Variants in AOAH observed in about 807,000 individuals in gnomAD.
AOAH encodes acyloxyacyl hydrolase.
Under a neutral mutation model 92.2 loss-of-function variants are expected in AOAH, and 64 were observed. The ratio of observed to expected loss-of-function variants is 0.69; its 90% CI spans 0.57 to 0.86. AOAH has a LOEUF of 0.86. Ranked by LOEUF, AOAH falls within the 40% of genes least tolerant of loss-of-function variation. The pLI, the probability that AOAH is intolerant of heterozygous loss-of-function variation, is 0.00. For missense variants in AOAH, 656 were observed against 694.6 expected, an observed-to-expected ratio of 0.94 and a Z score of 0.62; for synonymous variants, 263 against 254.5, an observed-to-expected ratio of 1.03 and a Z score of -0.32.
At chr7:36,531,269 C>CT (rs1784673936) in intron 18 of AOAH, among the ~76,000 whole-genome samples, 2 of 152,106 alleles carry the variant, frequency 1.3e-5, no homozygotes, top group Non-Finnish European at 2.9e-5. Flanking sequence ...GTTCTTTATG[C>CT]TTTTTTGTGT....
intron 2 of AOAH, among the ~76,000 whole-genome samples, chr7:36,680,387 G>GT (rs1048646974): frequency 3.9e-5 from 6 of 152,152 alleles, no homozygotes; most frequent in African/African-American, 1.4e-4. Flanking sequence ...CTAAAACTTT[G>GT]TTTTTTGTAC....
Position 36,532,283 on chromosome 7 carries a change from C to T in AOAH, c.1365+3G>A, listed in dbSNP as rs1023028370. The stretch of plus-strand genomic sequence containing the variant: ...GCCTTGAAGCAAGCCAGTGAGTGCT[C>T]ACCTGGAGGCAGTTCAGGAAGGAGT... On this transcript the variant is annotated splice_donor_region_variant and intron_variant, in intron 17 of 20. Coordinates refer to ENST00000617537, the MANE Select transcript of AOAH (RefSeq NM_001637.4). 6.2e-7 allele frequency: 1 copy of T among 1,614,128 alleles called. No individual in the cohort carries two copies. The highest frequency in any genetic ancestry group is 8.5e-7 in the Non-Finnish European group (1 of 1,179,980).
intron 1 of AOAH, among the ~76,000 whole-genome samples, chr7:36,713,237 T>C (rs1798892788): frequency 6.6e-6 from 1 of 152,168 alleles, no homozygotes; most frequent in African/African-American, 2.4e-5. Flanking sequence ...AAGAAGGCCA[T>C]TACTTAATGG....
chr7:36,522,047 G>A lies in AOAH; in HGVS notation c.1591C>T (p.Pro531Ser), dbSNP rs1176869562. ...QLIEPVDGFH[P>S]NEVALLLLAD... ...CATGTGACTGTGCTTACCTCGTTGG[G>A]GTGGAATCCATCCACGGGCTCGATG... The change falls in exon 20 of 21, where the codon CCC becomes TCC. Residue 531 changes from proline (P) to serine (S), a missense_variant. Transcript: ENST00000617537. 1 of 1,613,960 alleles carries A rather than the reference G, an allele frequency of 6.2e-7. No homozygotes were observed. The highest frequency in any genetic ancestry group is 1.1e-5 in the South Asian group (1 of 91,078).
chr7:36,582,850 C>CT (rs35810774), intron 12 of AOAH, among the ~76,000 whole-genome samples: 64,140 of 146,538 alleles, frequency 0.44, 13,996 homozygotes, highest in Admixed American at 0.52. Flanking sequence ...TAGTCAGTGT[C>CT]TTTTTTTTTT....
At chr7:36,631,218 G>A (rs1276165578) in intron 6 of AOAH, among the ~76,000 whole-genome samples, 1 of 151,994 alleles carries the variant, frequency 6.6e-6, no homozygotes, top group African/African-American at 2.4e-5. Flanking sequence ...GTGGTGGTGT[G>A]CGCCTGTAAT....
At chr7:36,658,587 A>G (rs1795022497) in intron 4 of AOAH, among the ~76,000 whole-genome samples, 1 of 152,234 alleles carries the variant, frequency 6.6e-6, no homozygotes, top group Admixed American at 6.5e-5. Context: ...TAATGTTATC[A>G]ATAATGATCA....
intron 20 of AOAH, among the ~76,000 whole-genome samples, chr7:36,521,089 G>A (rs915058242): frequency 3.3e-5 from 5 of 152,010 alleles, no homozygotes; most frequent in Admixed American, 1.3e-4. Context: ...TGTGTTTACC[G>A]TCATTCAGGC....
intron 4 of AOAH, among the ~76,000 whole-genome samples, chr7:36,643,101 A>T (rs1475307042): frequency 6.6e-6 from 1 of 152,226 alleles, no homozygotes; most frequent in Non-Finnish European, 1.5e-5. Flanking sequence ...TGGAAAGAGT[A>T]TAATAATTGC....
intron 11 of AOAH, among the ~76,000 whole-genome samples, chr7:36,611,716 T>C (rs1325845526): frequency 1.3e-4 from 20 of 152,158 alleles, no homozygotes; most frequent in Non-Finnish European, 2.9e-5. Flanking sequence ...GTACAAGGAT[T>C]TCAGGCAACC....
At chr7:36,559,437 AT>A (rs1787096475) in intron 13 of AOAH, among the ~76,000 whole-genome samples, 1 of 152,138 alleles carries the variant, frequency 6.6e-6, no homozygotes, top group Admixed American at 6.5e-5. Context: ...AATAATAGCC[AT>A]TCTGACTGGT....
At chr7:36,580,222 A>C in intron 12 of AOAH, among the ~76,000 whole-genome samples, 1 of 152,150 alleles carries the variant, frequency 6.6e-6, no homozygotes, top group Non-Finnish European at 1.5e-5. Flanking sequence ...CTATTGGGTC[A>C]TCTGAACCGG....
At chr7:36,579,417 G>A (rs1312075308) in intron 12 of AOAH, among the ~76,000 whole-genome samples, 1 of 151,330 alleles carries the variant, frequency 6.6e-6, no homozygotes, top group Admixed American at 6.6e-5. Flanking sequence ...ATTGTTTTAA[G>A]CCATGAAAGT....
At chr7:36,690,310 A>C (rs760634359) in intron 1 of AOAH, 1 of 358,028 alleles carries the variant, frequency 2.8e-6, no homozygotes, top group Non-Finnish European at 5.5e-6. Flanking sequence ...AGGACCCTGC[A>C]GGAAAGGCCA....
intron 18 of AOAH, among the ~76,000 whole-genome samples, chr7:36,530,956 A>G (rs1784655088): frequency 6.6e-6 from 1 of 151,814 alleles, no homozygotes; most frequent in South Asian, 2.1e-4. Flanking sequence ...ACAGAGACTT[A>G]CACCTTTAGA....
rs142637960 is a variant in AOAH, at chr7:36,595,463, G to A, written c.847-1033C>T. On this transcript the variant is annotated intron_variant, in intron 11 of 20. Coordinates refer to ENST00000617537, the MANE Select transcript of AOAH (RefSeq NM_001637.4). ...CAGGAGGATTGCTTGAGCCCAGGACGTCAAGGCTGCAGTGAGCCATGATCA... is the reference window on the plus strand; with the variant it reads ...CAGGAGGATTGCTTGAGCCCAGGACATCAAGGCTGCAGTGAGCCATGATCA... 4.2e-3 allele frequency among the ~76,000 whole-genome samples: 635 copies of A among 152,284 alleles called. 3 individuals carry two copies. Among genetic ancestry groups the A allele is most frequent in the African/African-American group, 0.014 (581 of 41,556 alleles).
chr7:36,715,041 C>T (rs1469850977), intron 1 of AOAH, among the ~76,000 whole-genome samples: 1 of 152,096 alleles, frequency 6.6e-6, no homozygotes, highest in Non-Finnish European at 1.5e-5. Context: ...TCAAATTGTC[C>T]CTGTTTGCAG....
intron 1 of AOAH, among the ~76,000 whole-genome samples, chr7:36,691,716 T>C (rs1213149031): frequency 6.6e-6 from 1 of 152,094 alleles, no homozygotes. Context: ...AGCCACATAG[T>C]TTTTGCACTT....
chr7:36,538,316 C>T lies in AOAH; in HGVS notation c.1306+2003G>A, dbSNP rs118170046. 4.2e-3 allele frequency among the ~76,000 whole-genome samples: 646 copies of T among 152,122 alleles called. 6 individuals are homozygous for T. Among genetic ancestry groups the T allele is most frequent in the Non-Finnish European group, 7.1e-3 (486 of 67,994 alleles). On this transcript the variant is annotated intron_variant, in intron 16 of 20. Coordinates refer to ENST00000617537, the MANE Select transcript of AOAH (RefSeq NM_001637.4). ...TGCTAAGATTACAGGCATGAGCCAC[C>T]GTGCCTGGCCTCATTCTTACATTCT...
Sources: allele counts gnomAD v4.1 joint callset (sites outside exome capture counted in the v4.1 genomes callset), GRCh38; gene constraint gnomAD v4.1.1; transcripts MANE v1.5; gene names NCBI Gene and HGNC (gene_info 2026-07-23, HGNC 2026-07-21).